Variants in PRRC2A observed in about 807,000 individuals in gnomAD.
PRRC2A encodes proline rich coiled-coil 2A.
A neutral mutation model predicts 224.6 loss-of-function variants in PRRC2A; 59 were observed. That is an observed-to-expected ratio of 0.26 (90% CI 0.21 to 0.33). PRRC2A has a LOEUF of 0.33. Among genes scored for constraint, PRRC2A ranks in the 10% least tolerant of loss-of-function variants. The pLI, the probability that PRRC2A is intolerant of heterozygous loss-of-function variation, is 1.00. For synonymous variants in PRRC2A, 1,194 were observed against 1,109.5 expected, an observed-to-expected ratio of 1.08 and a Z score of -1.51; for missense variants, 3,095 against 2,880.7, an observed-to-expected ratio of 1.07 and a Z score of -1.70.
intron 12 of PRRC2A, 127 bp downstream of exon 12, chr6:31,628,366 T>A (rs1224537841): frequency 7.1e-7 from 1 of 1,399,944 alleles, no homozygotes. Context: ...GGACTATCAG[T>A]GATAGTGTTC....
rs747020777 is a variant in PRRC2A at position 31,632,820 on chromosome 6, C to T, written c.4147C>T (p.Arg1383Trp). The T allele has an allele frequency of 6.2e-7, 1 of 1,613,130 alleles. No homozygotes were observed. The highest frequency in any genetic ancestry group is 8.5e-7 in the Non-Finnish European group (1 of 1,180,024). ...CCAGAGAGCCAAGGATTTGAGTAAA[C>T]GGAGCTTCTCAAGTCAGCGGCCAGG... ...LSQRAKDLSK[R>W]SFSSQRPGME... Residue 1383 changes from arginine to tryptophan, a missense_variant, in exon 16 of 31, where the codon CGG (arginine) becomes TGG (tryptophan). This residue lies in a region of PRRC2A where 2,001 missense variants were observed against 1,764.9 expected (regional missense o/e 1.13). Coordinates refer to ENST00000376033, the MANE Select transcript of PRRC2A (RefSeq NM_004638.4).
chr6:31,629,700 G>A lies in PRRC2A; in HGVS notation c.2109G>A (p.Leu703=), dbSNP rs779909738. Residue 703 remains leucine (L), a synonymous_variant, in exon 14 of 31, where the codon CTG becomes CTA. Transcript: ENST00000376033. ...CTCCACCCCCGCCCCCCAAGGCCCT[G>A]TACCCAGGTGCTCTGGGCCGGCCCC... ...PQAPPPPPKA[L]YPGALGRPPP... is the part of the protein sequence containing the mutation. 19 of 1,592,400 alleles carry A rather than the reference G, an allele frequency of 1.2e-5. No homozygotes were observed. Among genetic ancestry groups the A allele is most frequent in the Non-Finnish European group, 1.5e-5 (18 of 1,165,790 alleles).
intron 1 of PRRC2A, 53 bp downstream of exon 1, chr6:31,620,911 G>C (rs1775183618): frequency 6.4e-6 from 1 of 156,670 alleles, no homozygotes; most frequent in Admixed American, 6.5e-5. Context: ...GGGAGAGGTG[G>C]TGGCGGTGGC....
chr6:31,627,042 C>T lies in PRRC2A; in HGVS notation c.1134C>T (p.Gly378=), dbSNP rs780516512. ...CCCCTGAAGCAGATGGCAAAAAGGG[C>T]AACTCCCCCAACAGCGAACCGCCCA... ...ERPPEADGKK[G]NSPNSEPPTP... The change falls in exon 11 of 31, where the codon GGC becomes GGT. Residue 378 remains glycine (G), a synonymous_variant. Transcript: ENST00000376033. The surrounding 1 kb of genome is among the most constrained non-coding windows in gnomAD (Gnocchi z 5.6). 1 of 1,614,216 alleles carries T rather than the reference C, an allele frequency of 6.2e-7. No homozygotes were observed. The highest frequency in any genetic ancestry group is 1.3e-5 in the African/African-American group (1 of 75,052).
chr6:31,625,648 G>T lies in PRRC2A; in HGVS notation c.759+37G>T, dbSNP rs750498358. On this transcript the variant is annotated intron_variant, in intron 7 of 30. Transcript: ENST00000376033. This position sits in a 1 kb window ranked among gnomAD's most constrained non-coding sequence, Gnocchi z 4.1. ...TGTCTTGTCTTGGAACGATTACACT[G>T]GAAGCTGGAGAGCTAGGAATCAGGA... The T allele has an allele frequency of 2.5e-6, 4 of 1,604,850 alleles. No homozygotes were observed. Among genetic ancestry groups the T allele is most frequent in the Admixed American group, 3.4e-5 (2 of 59,222 alleles).
At position 31,637,528 on chromosome 6, in the gene PRRC2A, G is replaced by A. The variant is rs760332467; in HGVS notation, c.6416G>A (p.Arg2139Gln). ...CCACCTCGAGAAGGGCCCTCCCGAC[G>A]GGCAGAGGAGCCTGGGTCCCGAGGG... ...GPPPREGPSR[R>Q]AEEPGSRGDK... Residue 2139 changes from arginine to glutamine, a missense_variant, in exon 31 of 31, where the codon CGG becomes CAG. Physicochemically the swap from Arg to Gln is conservative, Grantham distance 43. Transcript: ENST00000376033. 17 of 1,590,822 alleles carry A rather than the reference G, an allele frequency of 1.1e-5. No homozygotes were observed. Among genetic ancestry groups the A allele is most frequent in the Middle Eastern group, 1.7e-4 (1 of 5,932 alleles).
chr6:31,636,776 T>C lies in PRRC2A; in HGVS notation c.5978T>C (p.Phe1993Ser). 6.2e-7 allele frequency: 1 copy of C among 1,607,328 alleles called. No homozygotes were observed. Among genetic ancestry groups the C allele is most frequent in the Non-Finnish European group, 8.5e-7 (1 of 1,179,988 alleles). The change falls in exon 28 of 31, where the codon TTT becomes TCT. Residue 1993 changes from phenylalanine (F) to serine (S), a missense_variant. Physicochemically the swap from Phe to Ser is radical, Grantham distance 155. Around this residue, in one of 8 missense-constraint regions of PRRC2A, gnomAD observed 662 missense variants for 609.5 expected, o/e 1.09. Coordinates refer to ENST00000376033, the MANE Select transcript of PRRC2A (RefSeq NM_004638.4). The surrounding 1 kb of genome is among the most constrained non-coding windows in gnomAD (Gnocchi z 4.3). ...GACTCACAGCTGCCTGTGGTGAACT[T>C]TGGCTCCCTGCCGCCAGCACCACCT... is the stretch of plus-strand genomic sequence containing the variant. ...MVDSQLPVVN[F>S]GSLPPAPPPA...
In PRRC2A at chr6:31,626,872, G is replaced by C; in HGVS notation, c.1073+10G>C. The C allele has an allele frequency of 6.2e-7, 1 of 1,611,678 alleles. No individual in the cohort carries two copies. Among genetic ancestry groups the C allele is most frequent in the Non-Finnish European group, 8.5e-7 (1 of 1,179,020 alleles). ...AGGGTGCTGAGGGCCAGTGAGTTAGGGCCATCAGGGGAGAAGAGGAGGGGG... is the reference window on the plus strand; with the variant it reads ...AGGGTGCTGAGGGCCAGTGAGTTAGCGCCATCAGGGGAGAAGAGGAGGGGG... On this transcript the variant is annotated intron_variant, in intron 10 of 30. Coordinates refer to ENST00000376033, the MANE Select transcript of PRRC2A (RefSeq NM_004638.4).
At position 31,637,146 on chromosome 6, in the gene PRRC2A, A is replaced by C. The variant is rs1193022273; in HGVS notation, c.6242+10A>C. 2 of 1,610,696 alleles carry C rather than the reference A, an allele frequency of 1.2e-6. No homozygotes were observed. Among genetic ancestry groups the C allele is most frequent in the African/African-American group, 2.7e-5 (2 of 74,876 alleles). On this transcript the variant is annotated intron_variant, in intron 29 of 30. Coordinates refer to ENST00000376033, the MANE Select transcript of PRRC2A (RefSeq NM_004638.4). ...CTCCCCCAACTGGAAGGTGAAACGG[A>C]ATAGGGATGTGGACTTTCCAAGTGC...
Position 31,636,370 on chromosome 6 carries a change from A to C in PRRC2A, c.5786A>C (p.Tyr1929Ser). The C allele has an allele frequency of 6.2e-7, 1 of 1,611,392 alleles. No homozygotes were observed. The highest frequency in any genetic ancestry group is 8.5e-7 in the Non-Finnish European group (1 of 1,179,582). The change falls in exon 26 of 31, where the codon TAC (tyrosine) becomes TCC (serine). Residue 1929 changes from tyrosine to serine, a missense_variant. By Grantham distance (144) the Tyr-to-Ser change is moderately radical (BLOSUM62 -2). Around this residue, in one of 8 missense-constraint regions of PRRC2A, gnomAD observed 662 missense variants for 609.5 expected, o/e 1.09. Transcript: ENST00000376033. This position sits in a 1 kb window ranked among gnomAD's most constrained non-coding sequence, Gnocchi z 4.3. The part of the protein sequence containing the change: ...GVLYPPPSFL[Y>S]SPAFCPSPLP... The stretch of plus-strand genomic sequence containing the variant: ...CTCTACCCTCCACCTTCCTTCCTCT[A>C]CTCTCCGGCTTTCTGCCCCAGTCCT...
chr6:31,631,405 A>C lies in PRRC2A; in HGVS notation c.2732A>C (p.Gln911Pro), dbSNP rs755823139. 6.2e-7 allele frequency: 1 copy of C among 1,609,100 alleles called. No homozygotes were observed. ...KPARGVGSGG[Q>P]GPPPPRRESR... ...GCCCGCGGAGTCGGGAGTGGAGGCC[A>C]GGGCCCCCCACCACCACGCAGAGAG... The change falls in exon 16 of 31, where the codon CAG becomes CCG. Residue 911 changes from glutamine to proline, a missense_variant. Gln to Pro is a moderately conservative substitution (Grantham distance 76). This residue lies in a region of PRRC2A where 2,001 missense variants were observed against 1,764.9 expected (regional missense o/e 1.13). Coordinates refer to ENST00000376033, the MANE Select transcript of PRRC2A (RefSeq NM_004638.4). The surrounding 1 kb of genome is among the most constrained non-coding windows in gnomAD (Gnocchi z 4.5).
In PRRC2A at chr6:31,636,390, A is replaced by G. The variant is rs1398132697; in HGVS notation, c.5806A>G (p.Ser1936Gly). The change falls in exon 26 of 31, where the codon AGT becomes GGT. Residue 1936 changes from serine to glycine, a missense_variant. Physicochemically the swap from Ser to Gly is moderately conservative, Grantham distance 56 (BLOSUM62 0). This residue lies in a region of PRRC2A where 662 missense variants were observed against 609.5 expected (regional missense o/e 1.09). Coordinates refer to ENST00000376033, the MANE Select transcript of PRRC2A (RefSeq NM_004638.4). This position sits in a 1 kb window ranked among gnomAD's most constrained non-coding sequence, Gnocchi z 4.3. Reference sequence around the variant, plus strand: ...CCTCTACTCTCCGGCTTTCTGCCCCAGTCCTTTGCCTGACACATCGTTGCT... The same window carrying G: ...CCTCTACTCTCCGGCTTTCTGCCCCGGTCCTTTGCCTGACACATCGTTGCT... ...SFLYSPAFCP[S>G]PLPDTSLLQV... is the part of the protein sequence containing the mutation. 5 of 1,612,892 alleles carry G rather than the reference A, an allele frequency of 3.1e-6. No individual in the cohort carries two copies. Among genetic ancestry groups the G allele is most frequent in the Non-Finnish European group, 4.2e-6 (5 of 1,179,964 alleles).
intron 1 of PRRC2A, 71 bp from the exon 2 acceptor site, chr6:31,622,619 A>C: frequency 1.7e-6 from 1 of 579,778 alleles, no homozygotes; most frequent in Non-Finnish European, 3.0e-6. Flanking sequence ...AAAAGACACC[A>C]GAGGGCCTCA....
intron 1 of PRRC2A, among the ~76,000 whole-genome samples, chr6:31,621,108 C>T (rs1162841527): frequency 1.3e-5 from 2 of 152,230 alleles, no homozygotes; most frequent in Admixed American, 6.5e-5. Context: ...GTCTTGGCTT[C>T]AGGGGGTGAC....
chr6:31,627,186 T>C lies in PRRC2A; in HGVS notation c.1278T>C (p.Pro426=), dbSNP rs952253171. 19 of 1,605,408 alleles carry C rather than the reference T, an allele frequency of 1.2e-5. No homozygotes were observed. The highest frequency in any genetic ancestry group is 1.7e-5 in the Admixed American group (1 of 59,856). ...GCCCCGCCGGGAACTGGGGCCCCCC[T>C]GGGGACTACCCAGTGAGTGTCTCCA... ...HRGPAGNWGP[P]GDYPDRGGPP... is the part of the protein sequence containing the mutation. Residue 426 remains proline, a synonymous_variant, in exon 11 of 31, where the codon CCT becomes CCC. Coordinates refer to ENST00000376033, the MANE Select transcript of PRRC2A (RefSeq NM_004638.4). This position sits in a 1 kb window ranked among gnomAD's most constrained non-coding sequence, Gnocchi z 5.6.
rs1191859273 is a variant in PRRC2A, at chr6:31,636,349, A to G, written c.5765A>G (p.Tyr1922Cys). ...AAGTTGCCGGCTGGAGGAGTTCTCT[A>G]CCCTCCACCTTCCTTCCTCTACTCT... ...LGKLPAGGVLYPPPSFLYSPA... is the reference protein window; with the variant it reads ...LGKLPAGGVLCPPPSFLYSPA... Residue 1922 changes from tyrosine to cysteine, a missense_variant, in exon 26 of 31, where the codon TAC becomes TGC. Coordinates refer to ENST00000376033, the MANE Select transcript of PRRC2A (RefSeq NM_004638.4). The surrounding 1 kb of genome is among the most constrained non-coding windows in gnomAD (Gnocchi z 4.3). 3.7e-6 allele frequency: 6 copies of G among 1,612,026 alleles called. No homozygotes were observed. The highest frequency in any genetic ancestry group is 2.2e-5 in the East Asian group (1 of 44,862).
Position 31,634,869 on chromosome 6 carries a change from C to A in PRRC2A, c.5052C>A (p.Pro1684=). 1 of 1,613,014 alleles carries A rather than the reference C, an allele frequency of 6.2e-7. No individual in the cohort carries two copies. Among genetic ancestry groups the A allele is most frequent in the Non-Finnish European group, 8.5e-7 (1 of 1,179,994 alleles). ...TCAAGGGGGCAGCAGAGGGACCCCC[C>A]AAGAGGCCTGGAGGCTCCTCACCCC... The part of the protein sequence containing the change: ...GGLKGAAEGP[P]KRPGGSSPLN... The change falls in exon 21 of 31, where the codon CCC becomes CCA. Residue 1684 remains proline (P), a synonymous_variant. Transcript: ENST00000376033.
chr6:31,634,397 G>A, intron 19 of PRRC2A, 32 bp downstream of exon 19: 1 of 1,611,986 alleles, frequency 6.2e-7, no homozygotes. Flanking sequence ...GACTATGGTA[G>A]AAGGGTTAAG....
intron 14 of PRRC2A, among the ~76,000 whole-genome samples, chr6:31,630,287 A>G (rs1353497753): frequency 1.3e-5 from 2 of 152,046 alleles, no homozygotes; most frequent in Admixed American, 1.3e-4. Flanking sequence ...ATCGCACTCC[A>G]GCTTAGGCAA....
Sources: allele counts gnomAD v4.1 joint callset (sites outside exome capture counted in the v4.1 genomes callset), GRCh38; gene constraint gnomAD v4.1.1; regional missense constraint gnomAD v4.1.1; non-coding constraint Gnocchi (gnomAD v3.1); transcripts MANE v1.5; gene names NCBI Gene and HGNC (gene_info 2026-07-23, HGNC 2026-07-21).